Variants in SULF2 observed in about 807,000 individuals in gnomAD.
SULF2 encodes the protein sulfatase 2, also known as extracellular sulfatase Sulf-2.
Under a neutral mutation model 107.7 loss-of-function variants are expected in SULF2, and 52 were observed. The observed-to-expected ratio is 0.48, with a 90% CI of 0.39 to 0.61. The LOEUF (loss-of-function observed/expected upper bound fraction) is 0.61. SULF2 is among the 20% of genes least tolerant of loss of function. The pLI is 0.00. For missense variants in SULF2, 993 were observed against 1,177.3 expected, an observed-to-expected ratio of 0.84 and a Z score of 2.29; for synonymous variants, 460 against 464.3, an observed-to-expected ratio of 0.99 and a Z score of 0.12.
chr20:47,765,327 C>G (rs1292725203), intron 1 of SULF2, among the ~76,000 whole-genome samples: 1 of 150,444 alleles, frequency 6.6e-6, no homozygotes, highest in East Asian at 2.0e-4. Context: ...GTACTCCAGC[C>G]TGGGTGACAG....
chr20:47,708,381 A>G (rs1321615724), intron 3 of SULF2, among the ~76,000 whole-genome samples: 1 of 152,066 alleles, frequency 6.6e-6, no homozygotes, highest in Non-Finnish European at 1.5e-5. Flanking sequence ...TGAGGGAGGG[A>G]GGAAATGACA....
At position 47,672,513 on chromosome 20, in the gene SULF2, G is replaced by A. The variant is rs562297641; in HGVS notation, c.1381-120C>T. 2.0e-4 allele frequency: 291 copies of A among 1,435,206 alleles called. No individual in the cohort carries two copies. The African/African-American group carries it at 3.6e-3, about 18-fold the overall frequency. 88.9% of individuals were successfully genotyped at this position (1,435,206 alleles called of 1,614,324 possible). On this transcript the variant is annotated intron_variant, in intron 10 of 20. Transcript: ENST00000688720. ...TCCCTGCTTGCATCCAGCTGTTACCGAGCCCCACCTCTGCTATCTCCAATG... is the reference window on the plus strand; with the variant it reads ...TCCCTGCTTGCATCCAGCTGTTACCAAGCCCCACCTCTGCTATCTCCAATG...
chr20:47,744,348 A>G (rs1364955098), intron 2 of SULF2, among the ~76,000 whole-genome samples: 1 of 151,682 alleles, frequency 6.6e-6, no homozygotes, highest in East Asian at 1.9e-4. Context: ...ATGCCCAGCT[A>G]TTTTTTTTGG....
chr20:47,688,872 T>C (rs1027342961), intron 5 of SULF2, among the ~76,000 whole-genome samples: 6 of 152,184 alleles, frequency 3.9e-5, no homozygotes, highest in African/African-American at 1.4e-4. Flanking sequence ...GTATTCAGAT[T>C]GTAATGAAGC....
chr20:47,727,275 G>C (rs1030620850), intron 3 of SULF2, among the ~76,000 whole-genome samples: 4 of 152,144 alleles, frequency 2.6e-5, no homozygotes. Flanking sequence ...ATTCAGAGAG[G>C]AGCAGGCCAC....
At chr20:47,689,616 T>G (rs1793468213) in intron 5 of SULF2, 1 of 152,272 alleles carries the variant, frequency 6.6e-6, no homozygotes, top group South Asian at 2.1e-4. Flanking sequence ...GTGTTTGTTG[T>G]TTTAAGTTGC....
intron 1 of SULF2, among the ~76,000 whole-genome samples, chr20:47,766,842 C>G (rs1382963998): frequency 6.6e-6 from 1 of 151,596 alleles, no homozygotes; most frequent in African/African-American, 2.4e-5. Context: ...AGCTGAGCAC[C>G]AAAATGTTTT....
intron 16 of SULF2, 61 bp from the exon 17 acceptor site, chr20:47,663,273 G>A: frequency 1.2e-6 from 2 of 1,606,516 alleles, no homozygotes; most frequent in Non-Finnish European, 8.5e-7. Flanking sequence ...TCTGCCAACA[G>A]TGATTCCTGT....
At position 47,680,803 on chromosome 20, in the gene SULF2, C is replaced by T. The variant is rs573176367; in HGVS notation, c.1065-1999G>A. ...TGGGGCTGAGCTTGTCCAGTGGTCC[C>T]GCTCCCCCAGGCTCAGGGGAAGGAG... On this transcript the variant is annotated intron_variant, in intron 7 of 20. Transcript: ENST00000688720. This position sits in a 1 kb window ranked among gnomAD's most constrained non-coding sequence, Gnocchi z 4.2. Among the ~76,000 whole-genome samples, 18 of 152,332 alleles carry T rather than the reference C, an allele frequency of 1.2e-4. No individual in the cohort carries two copies. Among genetic ancestry groups the T allele is most frequent in the Middle Eastern group, 3.4e-3 (1 of 294 alleles).
rs543440485 is a variant in SULF2 at position 47,694,518 on chromosome 20, C to T, written c.568-4223G>A. On this transcript the variant is annotated intron_variant, in intron 4 of 20. Transcript: ENST00000688720. The surrounding 1 kb of genome is among the most constrained non-coding windows in gnomAD (Gnocchi z 4.4). ...AGGCCCAGGTGCATTTTCCAGAACC[C>T]GGCGCCCAGGAGTCAGGCTCTACCC... Among the ~76,000 whole-genome samples, 6 of 152,206 alleles carry T rather than the reference C, an allele frequency of 3.9e-5. No individual in the cohort carries two copies. Among genetic ancestry groups the T allele is most frequent in the East Asian group, 1.9e-4 (1 of 5,170 alleles).
In SULF2 at chr20:47,764,453, C is replaced by A. The variant is rs562072769; in HGVS notation, c.-100-6990G>T. On this transcript the variant is annotated intron_variant, in intron 1 of 20. Transcript: ENST00000688720. ...CAAGTGCTCTTATTTCCCACCCCCCCTTATATATGGTTTGACTGCAGGGCA... is the reference window on the plus strand; with the variant it reads ...CAAGTGCTCTTATTTCCCACCCCCCATTATATATGGTTTGACTGCAGGGCA... 7.1e-4 allele frequency among the ~76,000 whole-genome samples: 108 copies of A among 152,340 alleles called. 1 individual carries two copies. The highest frequency in any genetic ancestry group is 2.5e-3 in the African/African-American group (102 of 41,578).
rs764832508 is a variant in SULF2, at chr20:47,757,139, G to T, written c.175+50C>A. ...CCTCAGGAGCCTCAGCCTAACCCAGGGACCCTGCTCCGAGGGGCCGAGGTG... is the reference window on the plus strand; with the variant it reads ...CCTCAGGAGCCTCAGCCTAACCCAGTGACCCTGCTCCGAGGGGCCGAGGTG... On this transcript the variant is annotated intron_variant, in intron 2 of 20. Transcript: ENST00000688720. 4 of 1,487,928 alleles carry T rather than the reference G, an allele frequency of 2.7e-6. No individual in the cohort carries two copies. In the South Asian group the frequency reaches 5.2e-5, roughly 19 times the overall value. The allele number at this position is 1,487,928 out of a possible 1,614,324, so 92.2% of individuals were successfully genotyped here.
At chr20:47,757,627 T>C (rs564988459) in intron 1 of SULF2, among the ~76,000 whole-genome samples, 164 bp from the exon 2 acceptor site, 1 of 152,276 alleles carries the variant, frequency 6.6e-6, no homozygotes, top group East Asian at 1.9e-4. Flanking sequence ...TAGCAAAGTC[T>C]TTACAGTTTG....
chr20:47,707,497 T>G (rs2088784647), intron 3 of SULF2, among the ~76,000 whole-genome samples: 1 of 152,086 alleles, frequency 6.6e-6, no homozygotes, highest in South Asian at 2.1e-4. Context: ...CAACCCAAAG[T>G]ATGCCTGCTG....
At chr20:47,731,490 G>A (rs1343787005) in intron 3 of SULF2, among the ~76,000 whole-genome samples, 1 of 152,020 alleles carries the variant, frequency 6.6e-6, no homozygotes, top group Non-Finnish European at 1.5e-5. Context: ...ACCGTGCCTG[G>A]CCTGTTTAGG....
chr20:47,676,835 TA>T, intron 9 of SULF2: 1 of 665,534 alleles, frequency 1.5e-6, no homozygotes, highest in Admixed American at 3.0e-5. Context: ...GAGTTGGCAA[TA>T]AATTAAATAA....
intron 3 of SULF2, among the ~76,000 whole-genome samples, chr20:47,705,115 C>T (rs1254119331): frequency 6.6e-6 from 1 of 152,226 alleles, no homozygotes; most frequent in African/African-American, 2.4e-5. Flanking sequence ...GGGAGCACTT[C>T]ATTAAATGAC....
intron 2 of SULF2, among the ~76,000 whole-genome samples, chr20:47,748,932 T>C (rs1383866448): frequency 6.6e-6 from 1 of 152,152 alleles, no homozygotes; most frequent in Non-Finnish European, 1.5e-5. Flanking sequence ...CAAATTTGCA[T>C]GTGCTTTATA....
intron 2 of SULF2, among the ~76,000 whole-genome samples, chr20:47,742,728 A>G (rs1265954390): frequency 6.6e-6 from 1 of 152,118 alleles, no homozygotes; most frequent in African/African-American, 2.4e-5. Context: ...TGTGAGTTAT[A>G]TATATATATT....
Sources: allele counts gnomAD v4.1 joint callset (sites outside exome capture counted in the v4.1 genomes callset), GRCh38; gene constraint gnomAD v4.1.1; non-coding constraint Gnocchi (gnomAD v3.1); transcripts MANE v1.5; gene names NCBI Gene and HGNC (gene_info 2026-07-23, HGNC 2026-07-21).